The following PTPRD variants were observed in gnomAD, a reference collection of about 807,000 sequenced individuals.
The protein encoded by PTPRD is receptor-type tyrosine-protein phosphatase delta.
A neutral mutation model predicts 214.5 loss-of-function variants in PTPRD; 34 were observed. That is an observed-to-expected ratio of 0.16 (90% CI 0.12 to 0.21). The LOEUF is 0.21. Ranked by LOEUF, PTPRD falls within the 10% of genes least tolerant of loss-of-function variation. The pLI is 1.00. For missense variants in PTPRD, 2,545 were observed against 2,398.7 expected, an observed-to-expected ratio of 1.06 and a Z score of -1.27; for synonymous variants, 1,128 against 845.7, an observed-to-expected ratio of 1.33 and a Z score of -5.79.
Position 9,156,565 on chromosome 9 carries a change from A to G in PTPRD, c.-143+26739T>C, listed in dbSNP as rs1244942619. 3.3e-5 allele frequency among the ~76,000 whole-genome samples: 5 copies of G among 152,136 alleles called. No individual in the cohort carries two copies. In the East Asian group the frequency reaches 7.7e-4, roughly 23 times the overall value. On this transcript the variant is annotated intron_variant, in intron 10 of 45. Coordinates refer to ENST00000381196, the MANE Select transcript of PTPRD (RefSeq NM_002839.4). The stretch of plus-strand genomic sequence containing the variant: ...TAATTGATTAGACCAAGTTGTCTAT[A>G]GGAATACCAAGAGATTATGTATAAA...
At chr9:10,474,765 G>A (rs1589006899) in intron 2 of PTPRD, among the ~76,000 whole-genome samples, 1 of 151,868 alleles carries the variant, frequency 6.6e-6, no homozygotes, top group East Asian at 1.9e-4. Flanking sequence ...ACAAAAGAAT[G>A]GAAATCATAA....
chr9:9,244,155 G>C (rs1313780309), intron 9 of PTPRD, among the ~76,000 whole-genome samples: 1 of 152,078 alleles, frequency 6.6e-6, no homozygotes, highest in Non-Finnish European at 1.5e-5. Flanking sequence ...ACAAATGGAA[G>C]AACATTCCAT....
chr9:9,998,125 A>ATATATATATATATAT (rs1286206158), intron 4 of PTPRD, among the ~76,000 whole-genome samples: 14 of 48,540 alleles, frequency 2.9e-4, no homozygotes, highest in African/African-American at 1.2e-3. Flanking sequence ...TAAAAAAAAA[A>ATATATATATATATAT]AAAAATATAT....
chr9:9,409,852 TA>T (rs1268254187), intron 8 of PTPRD, among the ~76,000 whole-genome samples: 9 of 152,106 alleles, frequency 5.9e-5, no homozygotes, highest in African/African-American at 2.2e-4. Flanking sequence ...AGGTTTCTAA[TA>T]TTTTTTCGGC....
intron 5 of PTPRD, among the ~76,000 whole-genome samples, chr9:9,902,107 A>G (rs949423252): frequency 6.6e-6 from 1 of 152,056 alleles, no homozygotes; most frequent in Non-Finnish European, 1.5e-5. Flanking sequence ...CCCTTCTCCA[A>G]AGGTTTACTG....
chr9:10,289,543 G>A (rs2095469000), intron 3 of PTPRD, among the ~76,000 whole-genome samples: 1 of 152,030 alleles, frequency 6.6e-6, no homozygotes, highest in African/African-American at 2.4e-5. Context: ...AAAATAACCT[G>A]GTAGGTTGCT....
chr9:10,013,400 T>A (rs2096639741), intron 4 of PTPRD, among the ~76,000 whole-genome samples: 1 of 151,976 alleles, frequency 6.6e-6, no homozygotes, highest in Admixed American at 6.6e-5. Context: ...AATCCTGATT[T>A]ATGTTATTTG....
chr9:9,014,937 C>G (rs1415241330), intron 11 of PTPRD, among the ~76,000 whole-genome samples: 1 of 151,728 alleles, frequency 6.6e-6, no homozygotes, highest in Non-Finnish European at 1.5e-5. Flanking sequence ...TCTGTGTATA[C>G]ATGTATTTAT....
chr9:8,607,013 A>G (rs889423067), intron 14 of PTPRD, among the ~76,000 whole-genome samples: 7 of 152,214 alleles, frequency 4.6e-5, no homozygotes, highest in Admixed American at 2.6e-4. Context: ...CAATGGTAGA[A>G]TGCTGACTAC....
At chr9:8,381,061 C>T (rs554211325) in intron 37 of PTPRD, among the ~76,000 whole-genome samples, 2 of 152,174 alleles carry the variant, frequency 1.3e-5, no homozygotes, top group South Asian at 4.2e-4. Flanking sequence ...CAAAGAAGGA[C>T]TTAGAAGAGG....
chr9:10,266,452 T>A (rs1394481402), intron 3 of PTPRD, among the ~76,000 whole-genome samples: 2 of 152,190 alleles, frequency 1.3e-5, no homozygotes, highest in African/African-American at 4.8e-5. Context: ...TCTAAAGACC[T>A]GGATGTCACT....
chr9:8,586,953 C>A (rs1427481290), intron 14 of PTPRD, among the ~76,000 whole-genome samples: 1 of 152,124 alleles, frequency 6.6e-6, no homozygotes, highest in Non-Finnish European at 1.5e-5. Flanking sequence ...TGAGACCATC[C>A]TGACTAACAC....
At chr9:9,300,717 T>G (rs898405228) in intron 9 of PTPRD, among the ~76,000 whole-genome samples, 2 of 151,784 alleles carry the variant, frequency 1.3e-5, no homozygotes, top group Admixed American at 1.3e-4. Context: ...CACCAGTACC[T>G]CATCATGCTG....
At chr9:9,856,161 A>G (rs943407717) in intron 5 of PTPRD, among the ~76,000 whole-genome samples, 15 of 152,122 alleles carry the variant, frequency 9.9e-5, no homozygotes, top group African/African-American at 3.6e-4. Context: ...CTGAAGTTGC[A>G]CCGTCAAGCT....
intron 2 of PTPRD, among the ~76,000 whole-genome samples, chr9:10,458,564 T>C (rs187740087): frequency 2.0e-5 from 3 of 152,278 alleles, no homozygotes; most frequent in Admixed American, 2.0e-4. Context: ...AGGACATTTG[T>C]TTAAAAAGCA....
At chr9:10,284,049 T>TG (rs2095254995) in intron 3 of PTPRD, among the ~76,000 whole-genome samples, 1 of 152,160 alleles carries the variant, frequency 6.6e-6, no homozygotes. Context: ...TTAGACTAGA[T>TG]GCACTCTCTG....
intron 10 of PTPRD, among the ~76,000 whole-genome samples, chr9:9,167,955 T>C (rs1486598729): frequency 6.6e-6 from 1 of 152,174 alleles, no homozygotes; most frequent in Non-Finnish European, 1.5e-5. Flanking sequence ...AACGAAAACC[T>C]ATCTTTCTGT....
intron 12 of PTPRD, among the ~76,000 whole-genome samples, chr9:8,688,564 C>CA (rs547442943): frequency 0.21 from 15,790 of 75,546 alleles, 1,113 homozygotes; most frequent in Middle Eastern, 0.31. Flanking sequence ...GACTCTGTCT[C>CA]AAAAAAAAAA....
At chr9:9,647,798 T>C (rs2096234377) in intron 7 of PTPRD, among the ~76,000 whole-genome samples, 1 of 152,204 alleles carries the variant, frequency 6.6e-6, no homozygotes, top group South Asian at 2.1e-4. Context: ...ATGCCCAAAA[T>C]TTTAAATCCT....
Sources: allele counts gnomAD v4.1 joint callset (sites outside exome capture counted in the v4.1 genomes callset), GRCh38; gene constraint gnomAD v4.1.1; transcripts MANE v1.5; gene names NCBI Gene and HGNC (gene_info 2026-07-23, HGNC 2026-07-21).